Variants in SPESP1 observed in about 807,000 individuals in gnomAD.
SPESP1 encodes the protein equatorial segment protein.
A neutral mutation model predicts 3.1 loss-of-function variants in SPESP1; 1 was observed. The observed-to-expected ratio is 0.33, with a 90% CI of 0.12 to 1.54. The LOEUF (loss-of-function observed/expected upper bound fraction) is 1.54, where lower values mean the gene tolerates loss of function less well. Among genes scored for constraint, SPESP1 ranks in the 40% most tolerant of loss-of-function variants. SPESP1 has a pLI of 0.38. For synonymous variants in SPESP1, 138 were observed against 150.7 expected, an observed-to-expected ratio of 0.92 and a Z score of 0.62; for missense variants, 398 against 410.1, an observed-to-expected ratio of 0.97 and a Z score of 0.26.
intron 1 of SPESP1, among the ~76,000 whole-genome samples, chr15:68,943,082 T>C (rs1319593654): frequency 6.6e-6 from 1 of 151,956 alleles, no homozygotes; most frequent in Admixed American, 6.6e-5. Flanking sequence ...TTGGTGTGTG[T>C]GTGTGTGTGT....
intron 1 of SPESP1, among the ~76,000 whole-genome samples, chr15:68,937,022 C>G (rs1257953642): frequency 6.6e-6 from 1 of 152,118 alleles, no homozygotes; most frequent in East Asian, 1.9e-4. Flanking sequence ...TCTTATTACT[C>G]ATTTAAAATT....
At chr15:68,937,702 C>G (rs749535220) in intron 1 of SPESP1, among the ~76,000 whole-genome samples, 20 of 152,246 alleles carry the variant, frequency 1.3e-4, no homozygotes, top group Admixed American at 3.9e-4. Flanking sequence ...TTGTTCTCCT[C>G]TCTGGGTAGG....
Position 68,937,535 on chromosome 15 carries a change from C to T in SPESP1, c.64+6818C>T, listed in dbSNP as rs576431654. ...AAAAAAACAGGATCCATGTGTAGAA[C>T]GTGCAGTTTCTTACATAGGCATACG... On this transcript the variant is annotated intron_variant, in intron 1 of 1. Transcript: ENST00000310673. Among the ~76,000 whole-genome samples the T allele has an allele frequency of 5.3e-5, 8 of 151,772 alleles. No individual in the cohort carries two copies. In the South Asian group the frequency reaches 1.3e-3, roughly 24 times the overall value.
rs746675218 is a variant in SPESP1, at chr15:68,946,167, C to T, written c.633C>T (p.Pro211=). 13 of 1,613,918 alleles carry T rather than the reference C, an allele frequency of 8.1e-6. No homozygotes were observed. Among genetic ancestry groups the T allele is most frequent in the Admixed American group, 6.7e-5 (4 of 60,002 alleles). ...CAGGTGAAACTGCGATAGAAAAACCCGAAGAGTTTGGAAAGCACCCAGAGA... is the reference window on the plus strand; with the variant it reads ...CAGGTGAAACTGCGATAGAAAAACCTGAAGAGTTTGGAAAGCACCCAGAGA... ...QLSGETAIEK[P]EEFGKHPESW... Residue 211 remains proline (P), a synonymous_variant, in exon 2 of 2, where the codon CCC becomes CCT. Transcript: ENST00000310673.
chr15:68,931,421 C>G (rs765398889), intron 1 of SPESP1, among the ~76,000 whole-genome samples: 2 of 152,110 alleles, frequency 1.3e-5, no homozygotes, highest in Non-Finnish European at 2.9e-5. Context: ...GGCTGCTTTC[C>G]CACGTTAGAA....
chr15:68,943,074 G>GGT (rs367666234), intron 1 of SPESP1, among the ~76,000 whole-genome samples: 10,072 of 147,760 alleles, frequency 0.068, 715 homozygotes, highest in African/African-American at 0.18. Context: ...TTAAATGATT[G>GGT]GTGTGTGTGT....
intron 1 of SPESP1, among the ~76,000 whole-genome samples, chr15:68,939,123 T>C (rs1895754319): frequency 6.6e-6 from 1 of 152,186 alleles, no homozygotes; most frequent in Non-Finnish European, 1.5e-5. Context: ...ATATCTGAGA[T>C]TCCAGCAAAA....
chr15:68,944,589 C>T (rs745760501), intron 1 of SPESP1, among the ~76,000 whole-genome samples: 1 of 151,996 alleles, frequency 6.6e-6, no homozygotes, highest in Admixed American at 6.6e-5. Context: ...GTAGAACTAC[C>T]ATTTTGTTGT....
rs937097650 is a variant in SPESP1, at chr15:68,930,532, G to A, written c.-122G>A. The A allele has an allele frequency of 5.9e-6, 8 of 1,365,258 alleles. No individual in the cohort carries two copies. The African/African-American group carries it at 1.0e-4, about 17-fold the overall frequency. 84.6% of individuals were successfully genotyped at this position (1,365,258 alleles called of 1,614,324 possible). On this transcript the variant is annotated 5_prime_UTR_variant, in exon 1 of 2. Coordinates refer to ENST00000310673, the MANE Select transcript of SPESP1 (RefSeq NM_145658.4). ...TGCGCGCTGGGGACAACCGTTGCTGGGTGTCCCAGGGCCTGAGGCAGGACG... is the reference window on the plus strand; with the variant it reads ...TGCGCGCTGGGGACAACCGTTGCTGAGTGTCCCAGGGCCTGAGGCAGGACG...
At position 68,930,746 on chromosome 15, in the gene SPESP1, A is replaced by G. The variant is rs376060961; in HGVS notation, c.64+29A>G. ...AGTGACGGGCCTGAGGAGGCAGCGG[A>G]CCGGGGACACCCTGGGGGAACTTCC... On this transcript the variant is annotated intron_variant, in intron 1 of 1. Transcript: ENST00000310673. 1.5e-5 allele frequency: 25 copies of G among 1,613,418 alleles called. No homozygotes were observed. In the African/African-American group the frequency reaches 3.1e-4, roughly 20 times the overall value.
chr15:68,931,410 T>C (rs1895536522), intron 1 of SPESP1, among the ~76,000 whole-genome samples: 2 of 152,188 alleles, frequency 1.3e-5, no homozygotes, highest in Non-Finnish European at 2.9e-5. Context: ...GTATTGCCCA[T>C]GGCTGCTTTC....
intron 1 of SPESP1, among the ~76,000 whole-genome samples, chr15:68,934,317 C>G (rs562458418): frequency 4.5e-4 from 68 of 152,242 alleles, no homozygotes; most frequent in African/African-American, 1.5e-3. Context: ...AATAAGGCAG[C>G]AACCAGCAAC....
At chr15:68,936,864 TG>T (rs1895694709) in intron 1 of SPESP1, among the ~76,000 whole-genome samples, 1 of 152,156 alleles carries the variant, frequency 6.6e-6, no homozygotes, top group Non-Finnish European at 1.5e-5. Flanking sequence ...ACAAGAAGTA[TG>T]GGGGCTCTCT....
intron 1 of SPESP1, among the ~76,000 whole-genome samples, chr15:68,936,061 C>T (rs1895672387): frequency 6.6e-6 from 1 of 152,200 alleles, no homozygotes. Flanking sequence ...GAGTCCACTT[C>T]ATGGTATGTA....
chr15:68,930,817 T>G (rs1021024135), intron 1 of SPESP1, 100 bp downstream of exon 1: 4 of 1,566,816 alleles, frequency 2.6e-6, no homozygotes, highest in Non-Finnish European at 3.5e-6. Context: ...TCCCTGGTCC[T>G]ACATGCCTCC....
intron 1 of SPESP1, among the ~76,000 whole-genome samples, chr15:68,943,296 A>G (rs539363739): frequency 2.6e-5 from 4 of 152,224 alleles, no homozygotes; most frequent in South Asian, 2.1e-4. Flanking sequence ...AAAAAGTATT[A>G]TAAGGATAAC....
At chr15:68,941,397 T>A (rs1434103171) in intron 1 of SPESP1, among the ~76,000 whole-genome samples, 1 of 152,216 alleles carries the variant, frequency 6.6e-6, no homozygotes, top group Non-Finnish European at 1.5e-5. Context: ...AGCAAAAATT[T>A]ATTCTCACAG....
rs866741968 is a variant in SPESP1 at position 68,945,680 on chromosome 15, C to T, written c.146C>T (p.Ser49Phe). 6.2e-7 allele frequency: 1 copy of T among 1,613,842 alleles called. No individual in the cohort carries two copies. Among genetic ancestry groups the T allele is most frequent in the Non-Finnish European group, 8.5e-7 (1 of 1,179,938 alleles). The change falls in exon 2 of 2, where the codon TCT becomes TTT. Residue 49 changes from serine to phenylalanine, a missense_variant. Physicochemically the swap from Ser to Phe is radical, Grantham distance 155. Coordinates refer to ENST00000310673, the MANE Select transcript of SPESP1 (RefSeq NM_145658.4). Reference sequence around the variant, plus strand: ...GAGAACCTAGTACGAAGTGTTCCCTCTGGGGAGCCAGGTCGTGAGAAAAAA... The same window carrying T: ...GAGAACCTAGTACGAAGTGTTCCCTTTGGGGAGCCAGGTCGTGAGAAAAAA... ...VLENLVRSVP[S>F]GEPGREKKSN...
rs16952684 is a variant in SPESP1 at position 68,945,936 on chromosome 15, T to C, written c.402T>C (p.His134=). The change falls in exon 2 of 2, where the codon CAT becomes CAC. Residue 134 remains histidine, a synonymous_variant. Transcript: ENST00000310673. ...IKPNNVSIVL[H]AEEPYIENEE... ...CAAACAATGTTTCCATTGTTTTGCA[T>C]GCAGAGGAACCTTATATTGAAAATG... The C allele has an allele frequency of 6.2e-7, 1 of 1,614,138 alleles. No individual in the cohort carries two copies. Among genetic ancestry groups the C allele is most frequent in the Admixed American group, 1.7e-5 (1 of 60,012 alleles).
Sources: gnomAD v4.1 joint callset for allele counts (sites outside exome capture counted in the v4.1 genomes callset) on GRCh38, gnomAD v4.1.1 for gene constraint, MANE v1.5 for transcripts, NCBI Gene and HGNC (gene_info 2026-07-23, HGNC 2026-07-21) for gene names.